The following PACS2 variants were observed in gnomAD, a reference collection of about 807,000 sequenced individuals.
PACS2 encodes the protein PACS1-like protein.
Under a neutral mutation model 113.0 loss-of-function variants are expected in PACS2, and 36 were observed. The ratio of observed to expected loss-of-function variants is 0.32; its 90% CI spans 0.24 to 0.42. PACS2 has a LOEUF of 0.42. PACS2 is among the 10% of genes least tolerant of loss of function. The pLI, the probability that PACS2 is intolerant of heterozygous loss-of-function variation, is 1.00. For synonymous variants in PACS2, 589 were observed against 536.1 expected (o/e 1.10, Z -1.36); for missense variants, 1,015 against 1,239.5 (o/e 0.82, Z 2.72).
At chr14:105,373,507 C>G (rs1217719833) in intron 8 of PACS2, among the ~76,000 whole-genome samples, 2 of 152,162 alleles carry the variant, frequency 1.3e-5, no homozygotes, top group Non-Finnish European at 2.9e-5. Context: ...ACTGGATATC[C>G]ACATGCAAAA....
chr14:105,348,179 T>G lies in PACS2; in HGVS notation c.120-314T>G, dbSNP rs182733678. On this transcript the variant is annotated intron_variant, in intron 1 of 24. Transcript: ENST00000447393. The surrounding 1 kb of genome is among the most constrained non-coding windows in gnomAD (Gnocchi z 6.4). ...TCTCAGATCTTCTCTTTGTGGCCTG[T>G]CATCCCTCCTACCTGCCTGTCCACA... Among the ~76,000 whole-genome samples, 1,193 of 152,232 alleles carry G rather than the reference T, an allele frequency of 7.8e-3. 21 individuals carry two copies. Among genetic ancestry groups the G allele is most frequent in the African/African-American group, 0.027 (1,129 of 41,548 alleles).
intron 1 of PACS2, among the ~76,000 whole-genome samples, chr14:105,343,639 GT>G (rs1233079835): frequency 1.3e-5 from 2 of 151,372 alleles, no homozygotes; most frequent in African/African-American, 4.9e-5. Context: ...ATCTTTTCAT[GT>G]GCTTATTTGC....
Position 105,390,358 on chromosome 14 carries a change from C to T in PACS2, c.2076+355C>T, listed in dbSNP as rs1012322715. 49 of 336,180 alleles carry T rather than the reference C, an allele frequency of 1.5e-4. 1 individual carries two copies. The highest frequency in any genetic ancestry group is 1.4e-3 in the South Asian group (43 of 30,876). 20.8% of individuals were successfully genotyped at this position (336,180 alleles called of 1,614,324 possible). A position where few individuals can be genotyped will look rare whatever the true frequency, so the allele number is the denominator to read the frequency against. ...AGGGCGCCTCTGTCCTTTAGGAGCC[C>T]AAGGCCCCGGGAGCTTCCCAGTGCT... On this transcript the variant is annotated intron_variant, in intron 20 of 24. Transcript: ENST00000447393.
chr14:105,393,593 GTTTT>G, intron 24 of PACS2: 1 of 309,154 alleles, frequency 3.2e-6, no homozygotes, highest in South Asian at 4.6e-5. Flanking sequence ...TTTTGTTTTG[GTTTT>G]TTTTTTTTTG....
intron 4 of PACS2, among the ~76,000 whole-genome samples, chr14:105,362,720 G>A (rs897214361): frequency 3.3e-5 from 5 of 151,676 alleles, no homozygotes; most frequent in South Asian, 2.1e-4. Context: ...GCGTGGTGGC[G>A]GGCCCCTGTA....
At chr14:105,343,872 C>T (rs1412664277) in intron 1 of PACS2, among the ~76,000 whole-genome samples, 1 of 151,552 alleles carries the variant, frequency 6.6e-6, no homozygotes, top group Non-Finnish European at 1.5e-5. Context: ...TGTTTGTTTT[C>T]ATATTGTTGA....
chr14:105,387,763 C>T (rs587721875), intron 19 of PACS2, among the ~76,000 whole-genome samples: 1 of 152,344 alleles, frequency 6.6e-6, no homozygotes, highest in South Asian at 2.1e-4. Flanking sequence ...GGATGGGAGG[C>T]CAGCCTGCCA....
chr14:105,330,083 A>G lies in PACS2; in HGVS notation c.119+15046A>G, dbSNP rs1371998911. On this transcript the variant is annotated intron_variant, in intron 1 of 24. Coordinates refer to ENST00000447393, the MANE Select transcript of PACS2 (RefSeq NM_001100913.3). This position sits in a 1 kb window ranked among gnomAD's most constrained non-coding sequence, Gnocchi z 6.9. ...GCCTGGGGTCCATGTGTGGGAAGGA[A>G]CGGGGACAGGGAGCCTCCGAGAAGC... Among the ~76,000 whole-genome samples the G allele has an allele frequency of 6.7e-6, 1 of 150,374 alleles. No individual in the cohort carries two copies. Among genetic ancestry groups the G allele is most frequent in the African/African-American group, 2.5e-5 (1 of 40,756 alleles).
chr14:105,332,045 A>C (rs74803049), intron 1 of PACS2, among the ~76,000 whole-genome samples: 2,183 of 152,222 alleles, frequency 0.014, 59 homozygotes, highest in African/African-American at 0.05. Context: ...GGTTGCTTTT[A>C]GCGTTTTTAT....
chr14:105,376,830 C>A lies in PACS2; in HGVS notation c.864C>A (p.Leu288=). The change falls in exon 9 of 25, where the codon CTC becomes CTA. Residue 288 remains leucine, a synonymous_variant. Coordinates refer to ENST00000447393, the MANE Select transcript of PACS2 (RefSeq NM_001100913.3). The surrounding 1 kb of genome is among the most constrained non-coding windows in gnomAD (Gnocchi z 4.7). ...CCGAGGCAGAGGAGGACCTGGACCT[C>A]CTGTATGACACCCTGGACATGGAGC... ...HIPEAEEDLD[L]LYDTLDMEHP... The A allele has an allele frequency of 3.1e-6, 5 of 1,613,308 alleles. No homozygotes were observed. The highest frequency in any genetic ancestry group is 3.4e-6 in the Non-Finnish European group (4 of 1,179,888).
rs1481239110 is a variant in PACS2, at chr14:105,317,149, G to A, written c.119+2112G>A. On this transcript the variant is annotated intron_variant, in intron 1 of 24. Coordinates refer to ENST00000447393, the MANE Select transcript of PACS2 (RefSeq NM_001100913.3). This position sits in a 1 kb window ranked among gnomAD's most constrained non-coding sequence, Gnocchi z 4.2. ...CCCAGCCATGAAGCTTCTGGGCTGC[G>A]TGTGTGCTGATGCCTTTCGGCGTGT... Among the ~76,000 whole-genome samples the A allele has an allele frequency of 2.0e-5, 3 of 152,182 alleles. No homozygotes were observed. Among genetic ancestry groups the A allele is most frequent in the East Asian group, 1.9e-4 (1 of 5,194 alleles).
In PACS2 at chr14:105,368,457, A is replaced by AGT; in HGVS notation, c.661-1_661insTG. 6.2e-7 allele frequency: 1 copy of AGT among 1,613,154 alleles called. No individual in the cohort carries two copies. Among genetic ancestry groups the AGT allele is most frequent in the Non-Finnish European group, 8.5e-7 (1 of 1,179,268 alleles). On this transcript the variant is annotated splice_acceptor_variant, in intron 6 of 24. Coordinates refer to ENST00000447393, the MANE Select transcript of PACS2 (RefSeq NM_001100913.3). LOFTEE classifies it high-confidence loss of function. ...CCTCAGCCACTGCATATGTCTCTGC[A>AGT]GGACTTGGACGAGGACGACTTTGAC...
intron 8 of PACS2, chr14:105,372,501 A>T (rs1226205933): frequency 1.3e-5 from 2 of 152,244 alleles, no homozygotes; most frequent in Non-Finnish European, 2.9e-5. Flanking sequence ...ATCCTGCACT[A>T]ATGCCACTGA....
intron 1 of PACS2, among the ~76,000 whole-genome samples, chr14:105,308,080 G>C (rs2058242480): frequency 6.6e-6 from 1 of 152,156 alleles, no homozygotes; most frequent in Admixed American, 6.6e-5. Flanking sequence ...CTACTTGGGA[G>C]GCTGAGGCAG....
rs142679817 is a variant in PACS2 at position 105,309,076 on chromosome 14, T to C, written c.-83+8097T>C. Among the ~76,000 whole-genome samples the C allele has an allele frequency of 5.3e-5, 8 of 152,340 alleles. No individual in the cohort carries two copies. The East Asian group carries it at 1.2e-3, about 22-fold the overall frequency. ...AGGTTGAGTGTTGGTTGACACGTGT[T>C]GCGGTAATTGCTGTTCTGATGTCTG... On this transcript the variant is annotated intron_variant, in intron 1 of 23. Coordinates refer to the PACS2 transcript ENST00000430725. This position sits in a 1 kb window ranked among gnomAD's most constrained non-coding sequence, Gnocchi z 4.0.
rs888032497 is a variant in PACS2, at chr14:105,354,683, A to G, written c.298-369A>G. Among the ~76,000 whole-genome samples the G allele has an allele frequency of 2.8e-4, 42 of 152,082 alleles. No homozygotes were observed. Among genetic ancestry groups the G allele is most frequent in the African/African-American group, 9.7e-4 (40 of 41,418 alleles). On this transcript the variant is annotated intron_variant, in intron 3 of 24. Transcript: ENST00000447393. This position sits in a 1 kb window ranked among gnomAD's most constrained non-coding sequence, Gnocchi z 4.2. ...CTCGCGGAAAAGCGTCCTGGGTCCC[A>G]CCTTGCTGATTGCCTCAGGCACATG...
chr14:105,379,674 T>C, intron 9 of PACS2, 65 bp from the exon 10 acceptor site: 1 of 1,330,130 alleles, frequency 7.5e-7, no homozygotes. Flanking sequence ...GTGGGAGAAC[T>C]GCGCTTTCAG....
chr14:105,308,990 A>G (rs1298390125), intron 1 of PACS2, among the ~76,000 whole-genome samples: 1 of 152,064 alleles, frequency 6.6e-6, no homozygotes, highest in African/African-American at 2.4e-5. Context: ...AAAAGAAAAA[A>G]AAAGAAAAAG....
intron 2 of PACS2, 135 bp from the exon 3 acceptor site, chr14:105,352,243 C>T: frequency 1.5e-6 from 1 of 670,226 alleles, no homozygotes; most frequent in Non-Finnish European, 2.7e-6. Flanking sequence ...AGAATTACCC[C>T]AGCCTGTGCC....
Sources: allele counts gnomAD v4.1 joint callset (sites outside exome capture counted in the v4.1 genomes callset), GRCh38; gene constraint gnomAD v4.1.1; non-coding constraint Gnocchi (gnomAD v3.1); transcripts MANE v1.5; gene names NCBI Gene and HGNC (gene_info 2026-07-23, HGNC 2026-07-21).